Variants in CYB561 observed in about 807,000 individuals in gnomAD.
CYB561 encodes transmembrane ascorbate-dependent reductase CYB561.
CYB561 carries 11 observed loss-of-function variants against 25.3 expected under a neutral mutation model. That is an observed-to-expected ratio of 0.44 (90% CI 0.27 to 0.72). The LOEUF is 0.72. CYB561 is among the 30% of genes least tolerant of loss of function. The probability of loss-of-function intolerance (pLI) is 0.18; values close to 1 mark genes in which losing one functional copy is unlikely to be tolerated. For missense variants in CYB561, 295 were observed against 334.9 expected (o/e 0.88, Z 0.93); for synonymous variants, 165 against 158.8 (o/e 1.04, Z -0.29).
chr17:63,438,564 C>A (rs2049341837), intron 1 of CYB561, among the ~76,000 whole-genome samples: 1 of 151,952 alleles, frequency 6.6e-6, no homozygotes. Context: ...CAGGGCACTT[C>A]CCCTCCACAC....
intron 2 of CYB561, 125 bp downstream of exon 2, chr17:63,437,221 C>T: frequency 3.9e-6 from 3 of 778,100 alleles, no homozygotes; most frequent in Non-Finnish European, 6.3e-6. Context: ...GCTTCTGTCT[C>T]TGTCTTTTCT....
chr17:63,433,182 A>G lies in CYB561; in HGVS notation c.*1220T>C, dbSNP rs1477756505. On this transcript the variant is annotated 3_prime_UTR_variant, in exon 6 of 6. Coordinates refer to ENST00000360793, the MANE Select transcript of CYB561 (RefSeq NM_001915.4). ...CAAGTAGCTGGGACTACAGGCGCCC[A>G]CCACCACGCCTGGCTAATTTTTTTG... The G allele has an allele frequency of 2.9e-5, 11 of 374,838 alleles. No individual in the cohort carries two copies. The highest frequency in any genetic ancestry group is 1.4e-5 in the Non-Finnish European group (3 of 211,600). 23.2% of individuals were successfully genotyped at this position (374,838 alleles called of 1,614,324 possible). A position where few individuals can be genotyped will look rare whatever the true frequency, so the allele number is the denominator to read the frequency against.
At chr17:63,435,948 G>A in intron 3 of CYB561, 106 bp downstream of exon 3, 1 of 1,597,600 alleles carries the variant, frequency 6.3e-7, no homozygotes, top group East Asian at 2.2e-5. Flanking sequence ...TGGGGTGGGG[G>A]CGGGCCCATC....
intron 1 of CYB561, chr17:63,442,963 G>A (rs2049390517): frequency 6.6e-6 from 1 of 152,386 alleles, no homozygotes; most frequent in Admixed American, 6.5e-5. Context: ...AGGCGGAGCA[G>A]GGGAGGCTGG....
chr17:63,441,182 C>T (rs2049371783), intron 1 of CYB561, among the ~76,000 whole-genome samples: 1 of 152,208 alleles, frequency 6.6e-6, no homozygotes, highest in Non-Finnish European at 1.5e-5. Flanking sequence ...CCTGGCCTCC[C>T]GGGGAGTCGG....
In CYB561 at chr17:63,433,376, C is replaced by T. The variant is rs1381780103; in HGVS notation, c.*1026G>A. 2.5e-6 allele frequency: 1 copy of T among 398,622 alleles called. No homozygotes were observed. The highest frequency in any genetic ancestry group is 4.4e-6 in the Non-Finnish European group (1 of 226,118). 24.7% of individuals were successfully genotyped at this position (398,622 alleles called of 1,614,324 possible). A position where few individuals can be genotyped will look rare whatever the true frequency, so the allele number is the denominator to read the frequency against. On this transcript the variant is annotated 3_prime_UTR_variant, in exon 6 of 6. Coordinates refer to ENST00000360793, the MANE Select transcript of CYB561 (RefSeq NM_001915.4). ...GGGCTGGAGTGATGTGCAGACACCACGGGGGATGACTGTAGTTGTTCTGAC... is the reference window on the plus strand; with the variant it reads ...GGGCTGGAGTGATGTGCAGACACCATGGGGGATGACTGTAGTTGTTCTGAC...
At position 63,433,126 on chromosome 17, in the gene CYB561, G is replaced by A. The variant is rs2049250073; in HGVS notation, c.*1276C>T. On this transcript the variant is annotated 3_prime_UTR_variant, in exon 6 of 6. Coordinates refer to ENST00000360793, the MANE Select transcript of CYB561 (RefSeq NM_001915.4). ...CAGCTCACTGCAAGCGCCATCTCCCGGGTTCACACCATTCTCCTGCCTCAG... is the reference window on the plus strand; with the variant it reads ...CAGCTCACTGCAAGCGCCATCTCCCAGGTTCACACCATTCTCCTGCCTCAG... The A allele has an allele frequency of 8.9e-6, 3 of 336,500 alleles. No homozygotes were observed. Among genetic ancestry groups the A allele is most frequent in the Non-Finnish European group, 1.6e-5 (3 of 187,660 alleles). 20.8% of individuals were successfully genotyped at this position (336,500 alleles called of 1,614,324 possible). A position where few individuals can be genotyped will look rare whatever the true frequency, so the allele number is the denominator to read the frequency against.
intron 1 of CYB561, among the ~76,000 whole-genome samples, chr17:63,443,412 C>T (rs527677581): frequency 4.6e-5 from 7 of 152,254 alleles, no homozygotes; most frequent in African/African-American, 1.4e-4. Context: ...CCCAGGGACC[C>T]GGGGTATCCA....
intron 1 of CYB561, among the ~76,000 whole-genome samples, chr17:63,444,042 G>A (rs937482096): frequency 1.3e-5 from 2 of 151,662 alleles, no homozygotes; most frequent in Non-Finnish European, 2.9e-5. Context: ...GGAGTGCAAT[G>A]GCAAGATCTC....
intron 1 of CYB561, chr17:63,437,977 CA>C: frequency 1.2e-5 from 8 of 647,696 alleles, no homozygotes; most frequent in Non-Finnish European, 1.9e-5. Context: ...GCGGCCCCGC[CA>C]CCCTCCCCCG....
At position 63,436,167 on chromosome 17, in the gene CYB561, A is replaced by T. The variant is rs779343944; in HGVS notation, c.203-15T>A. The stretch of plus-strand genomic sequence containing the variant: ...AACCAGCAGGGCTGTGGGAGGTGAG[A>T]GAGGGAACGTGAGTGCATCCGCCTG... On this transcript the variant is annotated splice_polypyrimidine_tract_variant and intron_variant, in intron 2 of 5. Coordinates refer to ENST00000360793, the MANE Select transcript of CYB561 (RefSeq NM_001915.4). The surrounding 1 kb of genome is among the most constrained non-coding windows in gnomAD (Gnocchi z 4.8). 5.0e-6 allele frequency: 8 copies of T among 1,613,162 alleles called. No individual in the cohort carries two copies. In the South Asian group the frequency reaches 8.8e-5, roughly 18 times the overall value.
At chr17:63,435,912 C>A in intron 3 of CYB561, 121 bp from the exon 4 acceptor site, 2 of 1,583,802 alleles carry the variant, frequency 1.3e-6, no homozygotes, top group Non-Finnish European at 1.7e-6. Flanking sequence ...GGGCTGCCAG[C>A]ACCTAGTGGC....
intron 1 of CYB561, chr17:63,440,174 T>C: frequency 2.5e-6 from 1 of 398,648 alleles, no homozygotes; most frequent in Non-Finnish European, 4.4e-6. Flanking sequence ...TTTCTGACGG[T>C]TCACTACTCA....
At chr17:63,445,887 T>G (rs2049418598) in intron 1 of CYB561, 1 of 152,220 alleles carries the variant, frequency 6.6e-6, no homozygotes, top group Admixed American at 6.5e-5. Flanking sequence ...GTTGGTCCAT[T>G]TGCACCCTAC....
At chr17:63,437,849 C>G (rs1484833958) in intron 1 of CYB561, 3 of 452,708 alleles carry the variant, frequency 6.6e-6, no homozygotes, top group Admixed American at 3.8e-5. Flanking sequence ...CACAGCCCCC[C>G]CGAGATGCAC....
chr17:63,445,418 G>C (rs960804689), intron 1 of CYB561, among the ~76,000 whole-genome samples: 1 of 149,408 alleles, frequency 6.7e-6, no homozygotes, highest in South Asian at 2.1e-4. Context: ...TAAACCAAAG[G>C]GGCAGAATCT....
chr17:63,438,210 G>T (rs188533631), intron 1 of CYB561: 218 of 1,535,502 alleles, frequency 1.4e-4, no homozygotes, highest in Non-Finnish European at 2.5e-5. Flanking sequence ...CCAGTGCCCG[G>T]CTTTGTTTTC....
chr17:63,441,827 G>GC (rs998928739), intron 1 of CYB561, among the ~76,000 whole-genome samples: 5 of 152,184 alleles, frequency 3.3e-5, no homozygotes, highest in South Asian at 2.1e-4. Context: ...CCCGGGCGGT[G>GC]CCCCCCCTCC....
intron 1 of CYB561, among the ~76,000 whole-genome samples, chr17:63,442,049 G>A (rs1454471641): frequency 6.6e-6 from 1 of 152,250 alleles, no homozygotes; most frequent in Non-Finnish European, 1.5e-5. Context: ...CTGGGAGGAA[G>A]CCAGAGATGA....
Sources: allele counts gnomAD v4.1 joint callset (sites outside exome capture counted in the v4.1 genomes callset), GRCh38; gene constraint gnomAD v4.1.1; non-coding constraint Gnocchi (gnomAD v3.1); transcripts MANE v1.5; gene names NCBI Gene and HGNC (gene_info 2026-07-23, HGNC 2026-07-21).